The following GABRB2 variants were observed in gnomAD, a reference collection of about 807,000 sequenced individuals.
GABRB2 encodes the protein gamma-aminobutyric acid type A receptor subunit beta2.
A neutral mutation model predicts 54.7 loss-of-function variants in GABRB2; 16 were observed. That is an observed-to-expected ratio of 0.29 (90% CI 0.20 to 0.44). The LOEUF (loss-of-function observed/expected upper bound fraction) is 0.44, where lower values mean the gene tolerates loss of function less well. Ranked by LOEUF, GABRB2 falls within the 20% of genes least tolerant of loss-of-function variation. The probability of loss-of-function intolerance (pLI) is 1.00; values close to 1 mark genes in which losing one functional copy is unlikely to be tolerated. For synonymous variants in GABRB2, 244 were observed against 233.8 expected (o/e 1.04, Z -0.40); for missense variants, 355 against 644.0 (o/e 0.55, Z 4.86).
At chr5:161,345,141 A>G (rs565724442) in intron 5 of GABRB2, among the ~76,000 whole-genome samples, 9 of 152,202 alleles carry the variant, frequency 5.9e-5, no homozygotes, top group Admixed American at 2.0e-4. Flanking sequence ...GTGTATACCT[A>G]TCTAACAAAT....
chr5:161,515,351 T>C (rs1759904898), intron 3 of GABRB2, among the ~76,000 whole-genome samples: 1 of 152,130 alleles, frequency 6.6e-6, no homozygotes. Context: ...AGAAAATATG[T>C]TCTTTTCTAT....
chr5:161,504,281 C>T (rs1310750426), intron 3 of GABRB2, among the ~76,000 whole-genome samples: 1 of 152,018 alleles, frequency 6.6e-6, no homozygotes, highest in Non-Finnish European at 1.5e-5. Flanking sequence ...ACTAAAATAA[C>T]CTAATAAACC....
At chr5:161,324,128 G>A (rs1241691896) in intron 9 of GABRB2, among the ~76,000 whole-genome samples, 2 of 152,088 alleles carry the variant, frequency 1.3e-5, no homozygotes, top group Admixed American at 6.5e-5. Context: ...ATTAGAAATG[G>A]TGTATACTTA....
intron 3 of GABRB2, among the ~76,000 whole-genome samples, chr5:161,515,474 T>C (rs1003667901): frequency 2.0e-4 from 30 of 152,242 alleles, no homozygotes; most frequent in African/African-American, 6.0e-4. Context: ...TTTCTGTTTT[T>C]ATTTTTCCTA....
intron 3 of GABRB2, among the ~76,000 whole-genome samples, chr5:161,536,309 G>C (rs1436945095): frequency 6.6e-6 from 1 of 152,126 alleles, no homozygotes; most frequent in Non-Finnish European, 1.5e-5. Flanking sequence ...GAGGAAAAGA[G>C]GAAGGAGAAA....
chr5:161,415,074 A>G, intron 4 of GABRB2, among the ~76,000 whole-genome samples: 1 of 152,366 alleles, frequency 6.6e-6, no homozygotes, highest in East Asian at 1.9e-4. Flanking sequence ...CATGACAAAC[A>G]TGCTTAATGG....
intron 3 of GABRB2, among the ~76,000 whole-genome samples, chr5:161,483,623 C>G (rs150645280): frequency 3.9e-5 from 6 of 151,964 alleles, no homozygotes; most frequent in East Asian, 1.9e-4. Flanking sequence ...TTCAGAAAGG[C>G]CTACTGTTAA....
intron 4 of GABRB2, among the ~76,000 whole-genome samples, chr5:161,455,314 A>G (rs1234628991): frequency 6.6e-6 from 1 of 152,124 alleles, no homozygotes; most frequent in African/African-American, 2.4e-5. Flanking sequence ...ATCCGTGATC[A>G]TGGATCTCAC....
At chr5:161,440,572 C>G (rs1757440017) in intron 4 of GABRB2, among the ~76,000 whole-genome samples, 2 of 152,042 alleles carry the variant, frequency 1.3e-5, no homozygotes, top group South Asian at 4.2e-4. Flanking sequence ...CATTGGAGCA[C>G]CCAGATACAT....
At chr5:161,340,256 CA>C (rs1453863475) in intron 5 of GABRB2, among the ~76,000 whole-genome samples, 3 of 151,974 alleles carry the variant, frequency 2.0e-5, no homozygotes, top group Admixed American at 6.6e-5. Flanking sequence ...AAACTTTTGG[CA>C]AAATGACAGT....
chr5:161,535,189 A>T (rs1026260047), intron 3 of GABRB2, among the ~76,000 whole-genome samples: 1 of 152,274 alleles, frequency 6.6e-6, no homozygotes, highest in Non-Finnish European at 1.5e-5. Context: ...TTTTATATAA[A>T]TCTTTCTTTA....
intron 9 of GABRB2, among the ~76,000 whole-genome samples, chr5:161,309,051 A>T (rs1399934731): frequency 6.6e-6 from 1 of 152,212 alleles, no homozygotes; most frequent in Admixed American, 6.5e-5. Context: ...GGCAAACAAA[A>T]CTATCAACAG....
At chr5:161,520,162 G>A (rs191841811) in intron 3 of GABRB2, among the ~76,000 whole-genome samples, 2 of 152,110 alleles carry the variant, frequency 1.3e-5, no homozygotes, top group East Asian at 3.9e-4. Context: ...ACACCTTCCA[G>A]CTGGCCATGA....
At chr5:161,426,057 T>C (rs1477487297) in intron 4 of GABRB2, among the ~76,000 whole-genome samples, 2 of 152,090 alleles carry the variant, frequency 1.3e-5, no homozygotes, top group Non-Finnish European at 1.5e-5. Flanking sequence ...CATCACTACA[T>C]GACTCATAAC....
chr5:161,513,442 T>C (rs1288656094), intron 3 of GABRB2, among the ~76,000 whole-genome samples: 3 of 152,116 alleles, frequency 2.0e-5, no homozygotes, highest in Non-Finnish European at 4.4e-5. Context: ...TGGAATACTA[T>C]GCAGCCATTA....
intron 9 of GABRB2, among the ~76,000 whole-genome samples, chr5:161,315,177 G>C (rs1018835541): frequency 6.6e-6 from 1 of 152,096 alleles, no homozygotes; most frequent in South Asian, 2.1e-4. Context: ...ATTATATTTG[G>C]TTTAGTGCTG....
intron 9 of GABRB2, among the ~76,000 whole-genome samples, chr5:161,317,593 C>G (rs1434242990): frequency 6.6e-6 from 1 of 152,068 alleles, no homozygotes; most frequent in Non-Finnish European, 1.5e-5. Context: ...TATGCTTAAC[C>G]TAGCATTCCA....
Position 161,477,813 on chromosome 5 carries a change from G to A in GABRB2, c.238-17969C>T, listed in dbSNP as rs1283825937. Among the ~76,000 whole-genome samples the A allele has an allele frequency of 2.0e-5, 3 of 151,910 alleles. No homozygotes were observed. In the East Asian group the frequency reaches 5.8e-4, roughly 29 times the overall value. ...GGTTTTCAGGAGCTGGGGACTGAGAGAAATTGAGGGTTGTCGTTTACAGGG... is the reference window on the plus strand; with the variant it reads ...GGTTTTCAGGAGCTGGGGACTGAGAAAAATTGAGGGTTGTCGTTTACAGGG... On this transcript the variant is annotated intron_variant, in intron 3 of 9. Coordinates refer to ENST00000393959, the MANE Select transcript of GABRB2 (RefSeq NM_001371727.1).
At position 161,524,377 on chromosome 5, in the gene GABRB2, G is replaced by A. The variant is rs750556809; in HGVS notation, c.237+20850C>T. On this transcript the variant is annotated intron_variant, in intron 3 of 9. Transcript: ENST00000393959. ...GATTCTTATTTGCTGGCAAGCAGAC[G>A]CAACTTGATATCTATAGACAGACAA... is the stretch of plus-strand genomic sequence containing the variant. Among the ~76,000 whole-genome samples, 11 of 151,752 alleles carry A rather than the reference G, an allele frequency of 7.2e-5. No homozygotes were observed. In the East Asian group the frequency reaches 9.7e-4, roughly 13 times the overall value.
Sources: gnomAD v4.1 joint callset for allele counts (sites outside exome capture counted in the v4.1 genomes callset) on GRCh38, gnomAD v4.1.1 for gene constraint, MANE v1.5 for transcripts, NCBI Gene and HGNC (gene_info 2026-07-23, HGNC 2026-07-21) for gene names.